RORA: variants seen among roughly 807,000 people sequenced by gnomAD.
RORA encodes nuclear receptor ROR-alpha.
RORA carries 7 observed loss-of-function variants against 69.5 expected under a neutral mutation model. That is an observed-to-expected ratio of 0.10 (90% CI 0.06 to 0.19). The LOEUF (loss-of-function observed/expected upper bound fraction) is 0.19, where lower values mean the gene tolerates loss of function less well. Among genes scored for constraint, RORA ranks in the 10% least tolerant of loss-of-function variants. RORA has a pLI of 1.00. For synonymous variants in RORA, 261 were observed against 240.8 expected (o/e 1.08, Z -0.78); for missense variants, 457 against 663.0 (o/e 0.69, Z 3.41).
intron 1 of RORA, among the ~76,000 whole-genome samples, chr15:61,221,707 G>A (rs569474273): frequency 2.0e-5 from 3 of 152,174 alleles, no homozygotes; most frequent in African/African-American, 2.4e-5. Context: ...ACCCTCCCCC[G>A]AAGTAAGCTA....
chr15:61,096,252 A>T (rs1164003382), intron 1 of RORA, among the ~76,000 whole-genome samples: 1 of 152,154 alleles, frequency 6.6e-6, no homozygotes, highest in Non-Finnish European at 1.5e-5. Flanking sequence ...ACTGTCCCTT[A>T]TAGAGCTGCA....
Position 60,748,243 on chromosome 15 carries a change from A to G in RORA, c.167-69557T>C, listed in dbSNP as rs572954151. On this transcript the variant is annotated intron_variant, in intron 1 of 10. Transcript: ENST00000335670. ...TGTGTTTGCACATGTGTGCACATCT[A>G]TATCATATAGTTTACATAGAAATGG... is the stretch of plus-strand genomic sequence containing the variant. 2.0e-4 allele frequency among the ~76,000 whole-genome samples: 31 copies of G among 151,726 alleles called. 1 individual carries two copies. In the South Asian group the frequency reaches 5.8e-3, roughly 29 times the overall value.
intron 1 of RORA, among the ~76,000 whole-genome samples, chr15:60,855,754 G>GCGAA (rs10653298): frequency 6.6e-6 from 1 of 151,650 alleles, no homozygotes; most frequent in South Asian, 2.1e-4. Context: ...CTGAGTAGCT[G>GCGAA]CACAGGCGCC....
intron 2 of RORA, among the ~76,000 whole-genome samples, chr15:60,623,700 C>T (rs1023171934): frequency 2.0e-5 from 3 of 152,146 alleles, no homozygotes. Context: ...ACAAAGGATA[C>T]AGAGGGGGAT....
chr15:61,010,592 C>T (rs1473151665), intron 1 of RORA, among the ~76,000 whole-genome samples: 2 of 152,098 alleles, frequency 1.3e-5, no homozygotes, highest in African/African-American at 4.8e-5. Context: ...CCAGAACTGA[C>T]CAGGAAGGGG....
chr15:60,725,774 A>G (rs2071349168), intron 1 of RORA, among the ~76,000 whole-genome samples: 1 of 152,180 alleles, frequency 6.6e-6, no homozygotes, highest in Non-Finnish European at 1.5e-5. Flanking sequence ...GTGCTTCAGT[A>G]AAGGCCATGA....
intron 1 of RORA, among the ~76,000 whole-genome samples, chr15:61,014,824 C>T (rs1215944416): frequency 6.6e-6 from 1 of 152,176 alleles, no homozygotes; most frequent in Non-Finnish European, 1.5e-5. Context: ...TAACAGCATG[C>T]TTAGGGAACA....
At chr15:60,558,527 G>T in intron 2 of RORA, 1 of 431,498 alleles carries the variant, frequency 2.3e-6, no homozygotes, top group Non-Finnish European at 4.1e-6. Flanking sequence ...AAATGCGTAT[G>T]TTTGATGTTT....
rs577334740 is a variant in RORA, at chr15:60,993,472, C to T, written c.166+235581G>A. Among the ~76,000 whole-genome samples, 3 of 152,060 alleles carry T rather than the reference C, an allele frequency of 2.0e-5. No individual in the cohort carries two copies. In the South Asian group the frequency reaches 6.2e-4, roughly 32 times the overall value. On this transcript the variant is annotated intron_variant, in intron 1 of 10. Transcript: ENST00000335670. ...TGGCCAACATGGTGAAACCCCATCT[C>T]TACTAAGAATACAAAAATTAGCCAG...
At chr15:61,034,882 C>G (rs1021878243) in intron 1 of RORA, among the ~76,000 whole-genome samples, 1 of 148,736 alleles carries the variant, frequency 6.7e-6, no homozygotes. Context: ...AAGCTACGAT[C>G]AAGGAGGAAA....
chr15:61,048,325 C>T lies in RORA; in HGVS notation c.166+180728G>A, dbSNP rs115564568. Among the ~76,000 whole-genome samples, 937 of 152,248 alleles carry T rather than the reference C, an allele frequency of 6.2e-3. 13 individuals carry two copies. Among genetic ancestry groups the T allele is most frequent in the African/African-American group, 0.021 (879 of 41,550 alleles). On this transcript the variant is annotated intron_variant, in intron 1 of 10. Transcript: ENST00000335670. ...TGAGTACCCACTTTATCCCAGGAAA[C>T]GAGACCTGAACACTGTGTCCTGGTT...
At chr15:61,118,663 T>A (rs761677515) in intron 1 of RORA, among the ~76,000 whole-genome samples, 3 of 152,078 alleles carry the variant, frequency 2.0e-5, no homozygotes, top group Non-Finnish European at 4.4e-5. Flanking sequence ...CTCAGGAACC[T>A]GGAGCCGGAC....
chr15:61,063,201 C>T (rs969712841), intron 1 of RORA, among the ~76,000 whole-genome samples: 1 of 152,204 alleles, frequency 6.6e-6, no homozygotes, highest in African/African-American at 2.4e-5. Context: ...GAACCCTTCA[C>T]GGCGTGGAGC....
chr15:60,514,655 G>T lies in RORA; in HGVS notation c.385C>A (p.Arg129=). ...RTSRNRCQHC[R]LQKCLAVGMS... Reference sequence around the variant, plus strand: ...CCTACGGCAAGGCATTTCTGTAATCGACAGTGTTGGCAGCGGTTTCTACTG... The same window carrying T: ...CCTACGGCAAGGCATTTCTGTAATCTACAGTGTTGGCAGCGGTTTCTACTG... The change falls in exon 4 of 11, where the codon CGA becomes AGA. Residue 129 remains arginine, a synonymous_variant. Transcript: ENST00000335670. The T allele has an allele frequency of 6.2e-7, 1 of 1,614,092 alleles. No homozygotes were observed. Among genetic ancestry groups the T allele is most frequent in the Non-Finnish European group, 8.5e-7 (1 of 1,179,984 alleles).
chr15:60,933,561 C>T (rs1228914458), intron 1 of RORA, among the ~76,000 whole-genome samples: 6 of 152,166 alleles, frequency 3.9e-5, no homozygotes, highest in East Asian at 1.9e-4. Flanking sequence ...ACGCATTATT[C>T]TGAATCGCAG....
chr15:61,219,469 G>A (rs1195422507), intron 1 of RORA, among the ~76,000 whole-genome samples: 3 of 152,184 alleles, frequency 2.0e-5, no homozygotes, highest in African/African-American at 7.2e-5. Context: ...CAGCTATTCG[G>A]GAGGCTGAGG....
At chr15:60,797,467 C>T (rs2072514788) in intron 1 of RORA, among the ~76,000 whole-genome samples, 1 of 152,090 alleles carries the variant, frequency 6.6e-6, no homozygotes, top group East Asian at 1.9e-4. Context: ...CCCAAGAAGC[C>T]ACAGGTCTTT....
intron 1 of RORA, among the ~76,000 whole-genome samples, chr15:60,975,227 C>T (rs1893842354): frequency 6.6e-6 from 1 of 152,200 alleles, no homozygotes. Context: ...GTCGCCTGGG[C>T]AGGGAGTAAT....
At chr15:60,648,371 A>G (rs973196590) in intron 2 of RORA, among the ~76,000 whole-genome samples, 1 of 152,232 alleles carries the variant, frequency 6.6e-6, no homozygotes, top group Non-Finnish European at 1.5e-5. Context: ...AATACAAAAA[A>G]TAATTCTGAA....
Sources: allele counts gnomAD v4.1 joint callset (sites outside exome capture counted in the v4.1 genomes callset), GRCh38; gene constraint gnomAD v4.1.1; transcripts MANE v1.5; gene names NCBI Gene and HGNC (gene_info 2026-07-23, HGNC 2026-07-21).